Variants in RAPH1 observed in about 807,000 individuals in gnomAD.
RAPH1 encodes the protein Ras association (RalGDS/AF-6) and pleckstrin homology domains 1, also known as ras-associated and pleckstrin homology domains-containing protein 1.
A neutral mutation model predicts 88.1 loss-of-function variants in RAPH1; 18 were observed. That is an observed-to-expected ratio of 0.20 (90% CI 0.14 to 0.30). The LOEUF (loss-of-function observed/expected upper bound fraction) is 0.30. Among genes scored for constraint, RAPH1 ranks in the 10% least tolerant of loss-of-function variants. The pLI is 1.00. For synonymous variants in RAPH1, 587 were observed against 559.0 expected (o/e 1.05, Z -0.71); for missense variants, 1,448 against 1,543.2 (o/e 0.94, Z 1.03).
rs1231672342 is a variant in RAPH1 at position 203,506,856 on chromosome 2, CTATA to C, written c.1-11507_1-11504del. Among the ~76,000 whole-genome samples the C allele has an allele frequency of 3.6e-4, 11 of 30,776 alleles. 1 individual carries two copies. The highest frequency in any genetic ancestry group is 8.7e-4 in the African/African-American group (5 of 5,746). The allele number at this position is 30,776 out of a possible 152,430, so 20.2% of individuals were successfully genotyped here. A position where few individuals can be genotyped will look rare whatever the true frequency, so the allele number is the denominator to read the frequency against. ...TCTATATCTATATATCTATCTATATCTATATATATATATATATATATATAGATAT... is the reference window on the plus strand; with the variant it reads ...TCTATATCTATATATCTATCTATATCTATATATATATATATATATAGATAT... On this transcript the variant is annotated intron_variant, in intron 1 of 13. Transcript: ENST00000319170.
Position 203,489,910 on chromosome 2 carries a change from A to G in RAPH1, c.406T>C (p.Leu136=). The change falls in exon 4 of 14, where the codon TTA becomes CTA. Residue 136 remains leucine (L), a synonymous_variant. Coordinates refer to ENST00000319170, the MANE Select transcript of RAPH1 (RefSeq NM_213589.3). ...HTLKHGTLKG[L]SSSSNRIAKP... ...GCTATCCTATTAGATGAAGAAGATA[A>G]TCCTTTCAAGGTGCCATGTTTCAAT... 6.2e-7 allele frequency: 1 copy of G among 1,614,226 alleles called. No individual in the cohort carries two copies. The highest frequency in any genetic ancestry group is 1.1e-5 in the South Asian group (1 of 91,090).
chr2:203,450,832 G>A (rs753385059), intron 10 of RAPH1, among the ~76,000 whole-genome samples: 1 of 151,864 alleles, frequency 6.6e-6, no homozygotes, highest in Non-Finnish European at 1.5e-5. Context: ...GACTGCATAG[G>A]TGTTCAACTG....
chr2:203,455,795 G>T (rs1451744360), intron 8 of RAPH1, among the ~76,000 whole-genome samples: 1 of 151,532 alleles, frequency 6.6e-6, no homozygotes, highest in Admixed American at 6.6e-5. Flanking sequence ...ATCACTTGAG[G>T]TCAGGAGTTC....
intron 1 of RAPH1, among the ~76,000 whole-genome samples, chr2:203,527,800 CAA>C (rs59384499): frequency 0.15 from 7,750 of 50,702 alleles, 334 homozygotes; most frequent in African/African-American, 0.3. Flanking sequence ...AACTCCATCT[CAA>C]AAAAAAAAAA....
intron 1 of RAPH1, among the ~76,000 whole-genome samples, chr2:203,497,908 A>G (rs1384928589): frequency 6.6e-6 from 1 of 152,192 alleles, no homozygotes; most frequent in African/African-American, 2.4e-5. Flanking sequence ...AAAAACATAA[A>G]ATGTTACTGA....
chr2:203,441,542 G>A, intron 13 of RAPH1, 129 bp from the exon 14 acceptor site: 4 of 1,390,744 alleles, frequency 2.9e-6, no homozygotes, highest in Non-Finnish European at 3.7e-6. Flanking sequence ...GGATGCAGAA[G>A]TTGGTGGTGA....
intron 1 of RAPH1, among the ~76,000 whole-genome samples, chr2:203,531,989 A>C (rs1168516694): frequency 6.6e-6 from 1 of 152,236 alleles, no homozygotes; most frequent in Non-Finnish European, 1.5e-5. Context: ...GGTGGAAACA[A>C]CCCAAATATC....
intron 3 of RAPH1, among the ~76,000 whole-genome samples, chr2:203,490,425 A>G (rs1384309675): frequency 6.6e-6 from 1 of 152,184 alleles, no homozygotes; most frequent in Non-Finnish European, 1.5e-5. Context: ...ATGCTTTGGT[A>G]GAGATGTCAA....
rs570836884 is a variant in RAPH1, at chr2:203,438,412, A to C, written c.*1025T>G. On this transcript the variant is annotated 3_prime_UTR_variant, in exon 14 of 14. Transcript: ENST00000319170. ...ATAATGCACCATATTGGGGCACAGG[A>C]TGTGTATATTTCATATACCAATTGT... 1 of 342,214 alleles carries C rather than the reference A, an allele frequency of 2.9e-6. No individual in the cohort carries two copies. The highest frequency in any genetic ancestry group is 4.0e-5 in the Admixed American group (1 of 24,702). The allele number at this position is 342,214 out of a possible 1,614,324, so 21.2% of individuals were successfully genotyped here. A position where few individuals can be genotyped will look rare whatever the true frequency, so the allele number is the denominator to read the frequency against.
chr2:203,501,195 G>A, intron 1 of RAPH1, among the ~76,000 whole-genome samples: 1 of 152,074 alleles, frequency 6.6e-6, no homozygotes, highest in Non-Finnish European at 1.5e-5. Flanking sequence ...AAGAGGAAGA[G>A]GACTCATCAA....
At position 203,535,291 on chromosome 2, in the gene RAPH1, T is replaced by TGACG. The variant is rs1690572242; in HGVS notation, c.-182_-181insCGTC. 1 of 150,340 alleles carries TGACG rather than the reference T, an allele frequency of 6.7e-6. No homozygotes were observed. The highest frequency in any genetic ancestry group is 6.6e-5 in the Admixed American group (1 of 15,050). 9.3% of individuals were successfully genotyped at this position (150,340 alleles called of 1,614,324 possible). ...CTGACTGACTGACTGACTGACTGACTGACTGACTGGCGGGCGGCGGCGGGA... is the reference window on the plus strand; with the variant it reads ...CTGACTGACTGACTGACTGACTGACTGACGGACTGACTGGCGGGCGGCGGCGGGA... On this transcript the variant is annotated 5_prime_UTR_variant, in exon 1 of 14. Transcript: ENST00000319170.
At chr2:203,462,131 T>C (rs2098524662) in intron 4 of RAPH1, among the ~76,000 whole-genome samples, 1 of 152,210 alleles carries the variant, frequency 6.6e-6, no homozygotes, top group African/African-American at 2.4e-5. Flanking sequence ...TGTCTTACAA[T>C]AGGCATTTCT....
intron 4 of RAPH1, among the ~76,000 whole-genome samples, chr2:203,481,321 C>A (rs547374946): frequency 6.6e-6 from 1 of 152,070 alleles, no homozygotes. Flanking sequence ...TAGTCACTCT[C>A]TACCTCCGTT....
chr2:203,461,294 T>C lies in RAPH1; in HGVS notation c.925A>G (p.Ser309Gly). ...NLMDKSHCGYSLDWSLVETVS... is the reference protein window; with the variant it reads ...NLMDKSHCGYGLDWSLVETVS... ...GTTTCTACCAGTGACCAGTCTAAACTATAACCGCAGTGGGATTTGTCCATC... is the reference window on the plus strand; with the variant it reads ...GTTTCTACCAGTGACCAGTCTAAACCATAACCGCAGTGGGATTTGTCCATC... The change falls in exon 6 of 14, where the codon AGT (serine) becomes GGT (glycine). Residue 309 changes from serine to glycine, a missense_variant. Ser to Gly is a moderately conservative substitution (Grantham distance 56). Transcript: ENST00000319170. 1 of 1,609,966 alleles carries C rather than the reference T, an allele frequency of 6.2e-7. No individual in the cohort carries two copies. Among genetic ancestry groups the C allele is most frequent in the Non-Finnish European group, 8.5e-7 (1 of 1,177,810 alleles).
chr2:203,435,004 G>A lies in RAPH1; in HGVS notation c.*4433C>T, dbSNP rs1379358726. On this transcript the variant is annotated 3_prime_UTR_variant, in exon 14 of 14. Transcript: ENST00000319170. ...TCTTTAAAAATATTCTGCCAAAAGAGTTGAAGGCACTGGGGGTTTACAGCA... is the reference window on the plus strand; with the variant it reads ...TCTTTAAAAATATTCTGCCAAAAGAATTGAAGGCACTGGGGGTTTACAGCA... 1 of 152,606 alleles carries A rather than the reference G, an allele frequency of 6.6e-6. No individual in the cohort carries two copies. The highest frequency in any genetic ancestry group is 2.4e-5 in the African/African-American group (1 of 41,444). The allele number at this position is 152,606 out of a possible 1,614,324, so 9.5% of individuals were successfully genotyped here.
chr2:203,471,391 C>A (rs553304904), intron 4 of RAPH1, among the ~76,000 whole-genome samples: 22 of 152,160 alleles, frequency 1.4e-4, no homozygotes, highest in Non-Finnish European at 3.1e-4. Flanking sequence ...GCAGGCAGAT[C>A]TCTTGAGGTC....
chr2:203,436,399 G>GC lies in RAPH1; in HGVS notation c.*3037_*3038insG. ...TTCCCAAGAGAATTACAGCGTCTAA[G>GC]GGGGGGAAAGAAAGCATCTGAGCAG... On this transcript the variant is annotated 3_prime_UTR_variant, in exon 14 of 14. Transcript: ENST00000319170. 1 of 146,190 alleles carries GC rather than the reference G, an allele frequency of 6.8e-6. No homozygotes were observed. Among genetic ancestry groups the GC allele is most frequent in the East Asian group, 2.4e-4 (1 of 4,240 alleles). 9.1% of individuals were successfully genotyped at this position (146,190 alleles called of 1,614,324 possible). A position where few individuals can be genotyped will look rare whatever the true frequency, so the allele number is the denominator to read the frequency against.
chr2:203,490,940 A>G lies in RAPH1; in HGVS notation c.226+274T>C, dbSNP rs530990007. On this transcript the variant is annotated intron_variant, in intron 3 of 13. Coordinates refer to ENST00000319170, the MANE Select transcript of RAPH1 (RefSeq NM_213589.3). Reference sequence around the variant, plus strand: ...ATGCCTGTAATCCCAGCTACTCGGGAGGCTGGGGCAGGAGAATCGCTTGAA... The same window carrying G: ...ATGCCTGTAATCCCAGCTACTCGGGGGGCTGGGGCAGGAGAATCGCTTGAA... Among the ~76,000 whole-genome samples the G allele has an allele frequency of 6.7e-5, 10 of 149,390 alleles. No individual in the cohort carries two copies. In the East Asian group the frequency reaches 1.9e-3, roughly 28 times the overall value.
In RAPH1 at chr2:203,458,119, C is replaced by T. The variant is rs1448428240; in HGVS notation, c.1093-524G>A. On this transcript the variant is annotated intron_variant, in intron 7 of 13. Coordinates refer to ENST00000319170, the MANE Select transcript of RAPH1 (RefSeq NM_213589.3). ...GGGTGCAGTGGCTCACACCTGTAATCCCAGCACTCTGGGAGGCCAAGGCGG... is the reference window on the plus strand; with the variant it reads ...GGGTGCAGTGGCTCACACCTGTAATTCCAGCACTCTGGGAGGCCAAGGCGG... Among the ~76,000 whole-genome samples the T allele has an allele frequency of 3.3e-5, 5 of 152,038 alleles. No homozygotes were observed. In the South Asian group the frequency reaches 8.3e-4, roughly 25 times the overall value.
Sources: gnomAD v4.1 joint callset for allele counts (sites outside exome capture counted in the v4.1 genomes callset) on GRCh38, gnomAD v4.1.1 for gene constraint, MANE v1.5 for transcripts, NCBI Gene and HGNC (gene_info 2026-07-23, HGNC 2026-07-21) for gene names.